The following PCDHA2 variants were observed in gnomAD, a reference collection of about 807,000 sequenced individuals.
PCDHA2 encodes the protein protocadherin alpha-2.
A neutral mutation model predicts 66.0 loss-of-function variants in PCDHA2; 58 were observed. The observed-to-expected ratio is 0.88, with a 90% confidence interval of 0.71 to 1.09. The LOEUF is 1.09. PCDHA2 is among the 50% of genes least tolerant of loss of function. The probability of loss-of-function intolerance (pLI) is 0.00; values close to 1 mark genes in which losing one functional copy is unlikely to be tolerated. For missense variants in PCDHA2, 1,267 were observed against 1,242.3 expected, an observed-to-expected ratio of 1.02 and a Z score of -0.30; for synonymous variants, 634 against 554.0, an observed-to-expected ratio of 1.14 and a Z score of -2.03.
intron 3 of PCDHA2, among the ~76,000 whole-genome samples, chr5:140,989,700 C>T (rs1367211310): frequency 6.6e-6 from 1 of 152,178 alleles, no homozygotes; most frequent in East Asian, 1.9e-4. Flanking sequence ...AAAATTTTAT[C>T]TTCAGAGGCA....
chr5:140,849,369 A>T, intron 1 of PCDHA2: 1 of 1,490,294 alleles, frequency 6.7e-7, no homozygotes, highest in Non-Finnish European at 9.2e-7. Flanking sequence ...TATAAAATCC[A>T]AGTTCCACAT....
At chr5:140,907,500 G>T (rs2073413620) in intron 1 of PCDHA2, among the ~76,000 whole-genome samples, 1 of 152,228 alleles carries the variant, frequency 6.6e-6, no homozygotes, top group Non-Finnish European at 1.5e-5. Flanking sequence ...TCCAGAGTAA[G>T]TGTCTATTCC....
chr5:140,891,712 C>T (rs2063219356), intron 1 of PCDHA2, among the ~76,000 whole-genome samples: 1 of 152,148 alleles, frequency 6.6e-6, no homozygotes, highest in Non-Finnish European at 1.5e-5. Context: ...TTTGTACCCC[C>T]AAATTCATGT....
intron 1 of PCDHA2, among the ~76,000 whole-genome samples, chr5:140,935,903 T>TTC (rs1289164766): frequency 4.6e-4 from 69 of 151,456 alleles, no homozygotes; most frequent in African/African-American, 1.6e-3. Flanking sequence ...TCTTTTTTTT[T>TTC]TTTTTTTGAG....
In PCDHA2 at chr5:140,843,412, C is replaced by G. The variant is rs2150359416; in HGVS notation, c.2388+46060C>G. On this transcript the variant is annotated intron_variant, in intron 1 of 3. Transcript: ENST00000526136. ...CGGAAGCGGCGCTGGTGGATGTCAA[C>G]GTGTACCTGATCATCGCCATCTGCG... is the stretch of plus-strand genomic sequence containing the variant. 36 of 1,595,950 alleles carry G rather than the reference C, an allele frequency of 2.3e-5. 4 individuals carry two copies. The highest frequency in any genetic ancestry group is 6.6e-5 in the South Asian group (6 of 90,510).
chr5:140,829,536 C>A, intron 1 of PCDHA2: 1 of 1,613,152 alleles, frequency 6.2e-7, no homozygotes, highest in Middle Eastern at 1.9e-4. Flanking sequence ...GCGCGAGACG[C>A]GGACGCGCAG....
At chr5:140,969,535 T>C (rs1221394283) in intron 1 of PCDHA2, 27 of 1,341,822 alleles carry the variant, frequency 2.0e-5, no homozygotes, top group Non-Finnish European at 2.5e-5. Flanking sequence ...TTTTTCATTT[T>C]CAGAGGCATG....
chr5:140,808,411 G>T (rs1764164974), intron 1 of PCDHA2: 1 of 1,614,042 alleles, frequency 6.2e-7, no homozygotes, highest in Admixed American at 1.7e-5. Context: ...ACTCGTTGGT[G>T]CTGGACAGTG....
rs782457236 is a variant in PCDHA2 at position 140,883,560 on chromosome 5, G to A, written c.2388+86208G>A. 2 of 1,614,184 alleles carry A rather than the reference G, an allele frequency of 1.2e-6. No homozygotes were observed. Among genetic ancestry groups the A allele is most frequent in the Admixed American group, 1.7e-5 (1 of 60,028 alleles). ...CTGGTGGTGACCGCGCGGGACGGGGGCTCGCCTTCGCTGTGGGCCACGGCC... is the reference window on the plus strand; with the variant it reads ...CTGGTGGTGACCGCGCGGGACGGGGACTCGCCTTCGCTGTGGGCCACGGCC... On this transcript the variant is annotated intron_variant, in intron 1 of 3. Coordinates refer to ENST00000526136, the MANE Select transcript of PCDHA2 (RefSeq NM_018905.3).
intron 1 of PCDHA2, among the ~76,000 whole-genome samples, chr5:140,873,542 T>C (rs2054341425): frequency 6.6e-6 from 1 of 152,130 alleles, no homozygotes; most frequent in Non-Finnish European, 1.5e-5. Context: ...GGTATAAAAT[T>C]ATAATTTCAA....
rs116001450 is a variant in PCDHA2 at position 140,876,617 on chromosome 5, A to G, written c.2388+79265A>G. 182 of 1,614,178 alleles carry G rather than the reference A, an allele frequency of 1.1e-4. No individual in the cohort carries two copies. The African/African-American group carries it at 2.3e-3, about 20-fold the overall frequency. ...GTGTCGGATCGTGACTCTGGAGCCAATGGACAGGTCATCTGCTCACTGACA... is the reference window on the plus strand; with the variant it reads ...GTGTCGGATCGTGACTCTGGAGCCAGTGGACAGGTCATCTGCTCACTGACA... On this transcript the variant is annotated intron_variant, in intron 1 of 3. Transcript: ENST00000526136.
At chr5:140,898,306 G>T (rs192633483) in intron 1 of PCDHA2, among the ~76,000 whole-genome samples, 3 of 152,228 alleles carry the variant, frequency 2.0e-5, no homozygotes, top group African/African-American at 4.8e-5. Flanking sequence ...TTTCTTCTAG[G>T]GTTTTTATGG....
chr5:140,870,276 C>T (rs1554163984), intron 1 of PCDHA2: 3 of 1,614,170 alleles, frequency 1.9e-6, no homozygotes, highest in South Asian at 1.1e-5. Context: ...TGACGCCCCA[C>T]GTTCCCTTCA....
chr5:140,995,794 CAT>C (rs1407600046), intron 3 of PCDHA2, among the ~76,000 whole-genome samples: 65 of 152,208 alleles, frequency 4.3e-4, no homozygotes, highest in African/African-American at 1.5e-3. Flanking sequence ...AAATTTGTCT[CAT>C]GTTAGTTTCT....
chr5:140,868,102 T>C (rs2153230741), intron 1 of PCDHA2: 1 of 152,242 alleles, frequency 6.6e-6, no homozygotes, highest in Admixed American at 6.5e-5. Flanking sequence ...ATAATAAAAT[T>C]TATTTTATAG....
intron 1 of PCDHA2, among the ~76,000 whole-genome samples, chr5:140,956,665 G>GCTTT (rs1273636843): frequency 1.3e-5 from 2 of 152,004 alleles, no homozygotes; most frequent in Non-Finnish European, 2.9e-5. Flanking sequence ...TGGCCTTAAA[G>GCTTT]GAGTTAGGGA....
chr5:140,851,536 A>G, intron 1 of PCDHA2: 1 of 906,554 alleles, frequency 1.1e-6, no homozygotes, highest in African/African-American at 1.8e-5. Context: ...GACAATGTAG[A>G]TAATTCAAGA....
chr5:140,851,773 T>C lies in PCDHA2; in HGVS notation c.2388+54421T>C. On this transcript the variant is annotated intron_variant, in intron 1 of 3. Transcript: ENST00000526136. ...TAACTTAAAACATTACCCTTATGAA[T>C]TTAGATGAGAATTCACTTGTTCTGT... 11 of 967,796 alleles carry C rather than the reference T, an allele frequency of 1.1e-5. 2 individuals carry two copies. The highest frequency in any genetic ancestry group is 1.4e-5 in the Non-Finnish European group (11 of 800,744). The allele number at this position is 967,796 out of a possible 1,614,324, so 60.0% of individuals were successfully genotyped here.
chr5:140,827,902 C>T (rs1433520084), intron 1 of PCDHA2: 1 of 769,834 alleles, frequency 1.3e-6, no homozygotes, highest in East Asian at 2.5e-5. Context: ...CCTTTTGGAG[C>T]CGCATGATGT....
Sources: gnomAD v4.1 joint callset for allele counts (sites outside exome capture counted in the v4.1 genomes callset) on GRCh38, gnomAD v4.1.1 for gene constraint, MANE v1.5 for transcripts, NCBI Gene and HGNC (gene_info 2026-07-23, HGNC 2026-07-21) for gene names.